LRRC4C: variants seen among roughly 807,000 people sequenced by gnomAD.
The protein encoded by LRRC4C is leucine rich repeat containing 4C.
Under a neutral mutation model 33.6 loss-of-function variants are expected in LRRC4C, and 5 were observed. The ratio of observed to expected loss-of-function variants is 0.15; its 90% CI spans 0.08 to 0.31. The LOEUF (loss-of-function observed/expected upper bound fraction) is 0.31. LRRC4C is among the 10% of genes least tolerant of loss of function. LRRC4C has a pLI of 1.00. For synonymous variants in LRRC4C, 329 were observed against 302.0 expected, an observed-to-expected ratio of 1.09 and a Z score of -0.93; for missense variants, 560 against 796.7, an observed-to-expected ratio of 0.70 and a Z score of 3.58.
At chr11:41,103,626 C>T (rs1403785622) in intron 1 of LRRC4C, among the ~76,000 whole-genome samples, 1 of 151,912 alleles carries the variant, frequency 6.6e-6, no homozygotes, top group African/African-American at 2.4e-5. Flanking sequence ...AGTGGCTTTC[C>T]ATTGCCCAAG....
intron 2 of LRRC4C, among the ~76,000 whole-genome samples, chr11:40,729,645 T>C (rs956861822): frequency 6.6e-6 from 1 of 152,018 alleles, no homozygotes; most frequent in Non-Finnish European, 1.5e-5. Flanking sequence ...ATGTTATAAC[T>C]TCCTCCACTC....
intron 1 of LRRC4C, among the ~76,000 whole-genome samples, chr11:41,284,721 G>T (rs1458001893): frequency 6.6e-6 from 1 of 152,086 alleles, no homozygotes; most frequent in Non-Finnish European, 1.5e-5. Context: ...GTCAGCTCAG[G>T]GCATGTGACT....
intron 1 of LRRC4C, among the ~76,000 whole-genome samples, chr11:41,145,454 G>A (rs1943687771): frequency 8.2e-6 from 1 of 121,852 alleles, no homozygotes; most frequent in African/African-American, 2.9e-5. Context: ...TGTGCCTGCT[G>A]CCTGTTTTTA....
chr11:40,611,857 A>G (rs1326240181), intron 3 of LRRC4C, among the ~76,000 whole-genome samples: 3 of 106,048 alleles, frequency 2.8e-5, no homozygotes, highest in African/African-American at 8.7e-5. Flanking sequence ...TCAAAATAAC[A>G]ACAACAAAAA....
chr11:40,515,855 G>T (rs1294409849), intron 3 of LRRC4C, among the ~76,000 whole-genome samples: 1 of 151,960 alleles, frequency 6.6e-6, no homozygotes, highest in African/African-American at 2.4e-5. Context: ...GATATATAAA[G>T]AATGTACTTT....
intron 2 of LRRC4C, among the ~76,000 whole-genome samples, chr11:40,928,263 T>G (rs2136434201): frequency 6.6e-6 from 1 of 150,554 alleles, no homozygotes; most frequent in South Asian, 2.1e-4. Context: ...AATATATATT[T>G]ATAAATATAT....
intron 3 of LRRC4C, among the ~76,000 whole-genome samples, chr11:40,461,237 G>C (rs993576183): frequency 1.3e-5 from 2 of 152,202 alleles, no homozygotes; most frequent in South Asian, 4.1e-4. Flanking sequence ...TTGGATTTTG[G>C]TGGAACCTTA....
At chr11:41,416,783 G>T (rs11036394) in intron 1 of LRRC4C, among the ~76,000 whole-genome samples, 1 of 151,856 alleles carries the variant, frequency 6.6e-6, no homozygotes, top group Non-Finnish European at 1.5e-5. Context: ...ACTTCATAGC[G>T]CTGCTATGAG....
intron 1 of LRRC4C, among the ~76,000 whole-genome samples, chr11:41,107,979 AGGGG>A (rs1941610831): frequency 6.8e-6 from 1 of 148,024 alleles, no homozygotes; most frequent in South Asian, 2.1e-4. Context: ...GAGAGGGGAG[AGGGG>A]AGAGGGGAGA....
chr11:40,440,785 C>T (rs1412754413), intron 3 of LRRC4C, among the ~76,000 whole-genome samples: 1 of 152,052 alleles, frequency 6.6e-6, no homozygotes, highest in Non-Finnish European at 1.5e-5. Flanking sequence ...ACAACGCAGC[C>T]AACAGTTCTG....
intron 2 of LRRC4C, among the ~76,000 whole-genome samples, chr11:40,649,051 T>G (rs1396502957): frequency 6.6e-6 from 1 of 152,178 alleles, no homozygotes; most frequent in African/African-American, 2.4e-5. Context: ...CACATGTTTC[T>G]GAGGAAACAG....
chr11:41,100,060 C>A (rs780964235), intron 1 of LRRC4C, among the ~76,000 whole-genome samples: 3 of 151,954 alleles, frequency 2.0e-5, no homozygotes, highest in Non-Finnish European at 4.4e-5. Context: ...CATAGCCAAG[C>A]CAAGAGCCAA....
At chr11:40,691,332 C>G (rs941438539) in intron 2 of LRRC4C, among the ~76,000 whole-genome samples, 8 of 151,974 alleles carry the variant, frequency 5.3e-5, no homozygotes, top group African/African-American at 1.9e-4. Context: ...CTGGGCTAAG[C>G]AGGTTATCCA....
chr11:40,225,810 G>A (rs1168317015), intron 5 of LRRC4C, among the ~76,000 whole-genome samples: 1 of 151,950 alleles, frequency 6.6e-6, no homozygotes, highest in Non-Finnish European at 1.5e-5. Context: ...GTAGAGACAG[G>A]GTTTCACCAT....
At chr11:40,589,837 C>T (rs1245150008) in intron 3 of LRRC4C, among the ~76,000 whole-genome samples, 47 of 149,084 alleles carry the variant, frequency 3.2e-4, no homozygotes, top group Admixed American at 5.4e-4. Flanking sequence ...GGGTTTCTGC[C>T]GAGAGATCCG....
intron 1 of LRRC4C, among the ~76,000 whole-genome samples, chr11:41,379,985 A>AAC (rs942924877): frequency 6.6e-6 from 1 of 151,776 alleles, no homozygotes; most frequent in Non-Finnish European, 1.5e-5. Context: ...CATGCACACA[A>AAC]ACACACACAC....
intron 1 of LRRC4C, among the ~76,000 whole-genome samples, chr11:41,164,840 T>C (rs530061812): frequency 7.9e-5 from 12 of 152,274 alleles, no homozygotes; most frequent in Non-Finnish European, 1.5e-5. Context: ...AGAAGACTAC[T>C]CTGAAACACC....
rs556507198 is a variant in LRRC4C, at chr11:40,975,217, T to C, written c.-495-41494A>G. On this transcript the variant is annotated intron_variant, in intron 1 of 6. Coordinates refer to ENST00000528697, the MANE Select transcript of LRRC4C (RefSeq NM_001258419.2). ...TTAAACAAGCACATATGTGATATCA[T>C]GTAAAGTCATGTCATAAAAAGTTTG... Among the ~76,000 whole-genome samples the C allele has an allele frequency of 2.0e-5, 3 of 152,340 alleles. No individual in the cohort carries two copies. In the South Asian group the frequency reaches 6.2e-4, roughly 32 times the overall value.
chr11:40,901,038 C>A (rs536090291), intron 2 of LRRC4C, among the ~76,000 whole-genome samples: 1 of 152,140 alleles, frequency 6.6e-6, no homozygotes, highest in East Asian at 1.9e-4. Context: ...TGTATGAGGA[C>A]GTTCTTTGAA....
Sources: gnomAD v4.1 joint callset for allele counts (sites outside exome capture counted in the v4.1 genomes callset) on GRCh38, gnomAD v4.1.1 for gene constraint, MANE v1.5 for transcripts, NCBI Gene and HGNC (gene_info 2026-07-23, HGNC 2026-07-21) for gene names.